ERBB4: variants seen among roughly 807,000 people sequenced by gnomAD.
ERBB4 encodes erb-b2 receptor tyrosine kinase 4, also known as receptor tyrosine-protein kinase erbB-4.
A neutral mutation model predicts 158.0 loss-of-function variants in ERBB4; 42 were observed. The ratio of observed to expected loss-of-function variants is 0.27; its 90% CI spans 0.21 to 0.34. The LOEUF (loss-of-function observed/expected upper bound fraction) is 0.34, where lower values mean the gene tolerates loss of function less well. Ranked by LOEUF, ERBB4 falls within the 10% of genes least tolerant of loss-of-function variation. The pLI is 1.00. For missense variants in ERBB4, 1,333 were observed against 1,624.1 expected (o/e 0.82, Z 3.08); for synonymous variants, 583 against 558.7 (o/e 1.04, Z -0.61).
intron 1 of ERBB4, among the ~76,000 whole-genome samples, chr2:212,317,922 TTATC>T (rs2087367208): frequency 6.6e-6 from 1 of 151,578 alleles, no homozygotes; most frequent in Admixed American, 6.6e-5. Context: ...TGCTCAAAAC[TTATC>T]TTTTCAAAAT....
At chr2:211,614,153 T>G (rs1282096181) in intron 19 of ERBB4, among the ~76,000 whole-genome samples, 1 of 151,962 alleles carries the variant, frequency 6.6e-6, no homozygotes, top group Non-Finnish European at 1.5e-5. Flanking sequence ...TTATGTTAAG[T>G]GAAATCAGCA....
intron 2 of ERBB4, among the ~76,000 whole-genome samples, chr2:212,035,582 C>A (rs887114629): frequency 6.6e-6 from 1 of 152,168 alleles, no homozygotes; most frequent in Admixed American, 6.5e-5. Flanking sequence ...TCACCCATGT[C>A]ACACTGTATT....
At chr2:211,875,883 G>A (rs929498528) in intron 3 of ERBB4, among the ~76,000 whole-genome samples, 1 of 152,114 alleles carries the variant, frequency 6.6e-6, no homozygotes, top group Non-Finnish European at 1.5e-5. Flanking sequence ...CAGTATGGTA[G>A]CATGCTGCAC....
At chr2:211,803,343 G>A (rs2076542360) in intron 3 of ERBB4, among the ~76,000 whole-genome samples, 1 of 152,166 alleles carries the variant, frequency 6.6e-6, no homozygotes, top group African/African-American at 2.4e-5. Context: ...AATTTTATCA[G>A]TATAGATTAT....
At chr2:211,763,463 TG>T (rs2075467303) in intron 4 of ERBB4, among the ~76,000 whole-genome samples, 1 of 152,132 alleles carries the variant, frequency 6.6e-6, no homozygotes, top group African/African-American at 2.4e-5. Flanking sequence ...CAAAACACAA[TG>T]GGCTTCTCAG....
chr2:211,497,066 C>G (rs1344405732), intron 20 of ERBB4, among the ~76,000 whole-genome samples: 1 of 152,082 alleles, frequency 6.6e-6, no homozygotes, highest in Non-Finnish European at 1.5e-5. Context: ...GTATAGTAGG[C>G]ACTTAATAAA....
intron 1 of ERBB4, among the ~76,000 whole-genome samples, chr2:212,479,377 G>A (rs992441003): frequency 6.6e-6 from 1 of 152,032 alleles, no homozygotes; most frequent in Admixed American, 6.6e-5. Flanking sequence ...TGTAAACCAT[G>A]AAGGATACCA....
chr2:212,179,839 C>G (rs1288956112), intron 1 of ERBB4, among the ~76,000 whole-genome samples: 2 of 151,542 alleles, frequency 1.3e-5, no homozygotes, highest in Admixed American at 1.3e-4. Context: ...TGGGAATGGT[C>G]TCCCAAATCT....
At chr2:211,509,908 A>C (rs1411896261) in intron 20 of ERBB4, among the ~76,000 whole-genome samples, 2 of 152,174 alleles carry the variant, frequency 1.3e-5, no homozygotes, top group African/African-American at 4.8e-5. Context: ...ATCTTACATC[A>C]GTCTGAATGG....
At chr2:212,093,466 A>G (rs914668451) in intron 2 of ERBB4, among the ~76,000 whole-genome samples, 1 of 152,204 alleles carries the variant, frequency 6.6e-6, no homozygotes, top group African/African-American at 2.4e-5. Flanking sequence ...CTTGGAACCC[A>G]TCTGACATCT....
At chr2:211,995,270 T>TA (rs1215615475) in intron 2 of ERBB4, among the ~76,000 whole-genome samples, 7 of 152,248 alleles carry the variant, frequency 4.6e-5, no homozygotes, top group Admixed American at 3.9e-4. Flanking sequence ...AACCCTGAGT[T>TA]AAAATAACTG....
chr2:211,714,224 T>C (rs552252792), intron 7 of ERBB4, among the ~76,000 whole-genome samples: 1 of 152,224 alleles, frequency 6.6e-6, no homozygotes, highest in Admixed American at 6.5e-5. Flanking sequence ...TACCCAATAC[T>C]TGGATTAAAT....
At chr2:212,414,369 T>C (rs1367716152) in intron 1 of ERBB4, among the ~76,000 whole-genome samples, 2 of 152,248 alleles carry the variant, frequency 1.3e-5, no homozygotes, top group East Asian at 3.8e-4. Flanking sequence ...AATGATTTAA[T>C]ATTTGCAATT....
intron 12 of ERBB4, among the ~76,000 whole-genome samples, chr2:211,694,694 T>C (rs1169794113): frequency 2.0e-5 from 3 of 152,174 alleles, no homozygotes; most frequent in Non-Finnish European, 4.4e-5. Context: ...ATATTCAAAG[T>C]TACACACTTT....
At chr2:212,042,543 G>T (rs761851158) in intron 2 of ERBB4, among the ~76,000 whole-genome samples, 1 of 151,780 alleles carries the variant, frequency 6.6e-6, no homozygotes, top group African/African-American at 2.4e-5. Flanking sequence ...TTTTCTTTTT[G>T]TTTTTCTTTA....
chr2:212,517,834 G>A (rs989303669), intron 1 of ERBB4, among the ~76,000 whole-genome samples: 14 of 152,046 alleles, frequency 9.2e-5, no homozygotes, highest in African/African-American at 2.9e-4. Flanking sequence ...TATTTATACA[G>A]AAATCTGCCA....
intron 2 of ERBB4, among the ~76,000 whole-genome samples, chr2:212,038,506 G>A (rs1364154676): frequency 6.6e-6 from 1 of 152,100 alleles, no homozygotes; most frequent in African/African-American, 2.4e-5. Context: ...GTTCAAAAAT[G>A]TATGTCTAAA....
intron 2 of ERBB4, among the ~76,000 whole-genome samples, chr2:211,951,086 G>T (rs1013441360): frequency 1.3e-5 from 2 of 152,178 alleles, no homozygotes; most frequent in South Asian, 4.1e-4. Flanking sequence ...TTGATGGAGG[G>T]TGTATTATGA....
At chr2:212,020,862 CTA>C (rs2076633461) in intron 2 of ERBB4, among the ~76,000 whole-genome samples, 1 of 152,044 alleles carries the variant, frequency 6.6e-6, no homozygotes, top group Admixed American at 6.6e-5. Context: ...AGGAATTATT[CTA>C]TGTCACTTAT....
Sources: allele counts gnomAD v4.1 joint callset (sites outside exome capture counted in the v4.1 genomes callset), GRCh38; gene constraint gnomAD v4.1.1; transcripts MANE v1.5; gene names NCBI Gene and HGNC (gene_info 2026-07-23, HGNC 2026-07-21).